Variants in NRXN1 observed in about 807,000 individuals in gnomAD.
NRXN1 encodes neurexin-1.
A neutral mutation model predicts 150.9 loss-of-function variants in NRXN1; 39 were observed. The ratio of observed to expected loss-of-function variants is 0.26; its 90% confidence interval spans 0.20 to 0.34. The LOEUF (loss-of-function observed/expected upper bound fraction) is 0.34, where lower values mean the gene tolerates loss of function less well. NRXN1 is among the 10% of genes least tolerant of loss of function. NRXN1 has a pLI of 1.00. For missense variants in NRXN1, 1,815 were observed against 1,949.9 expected (o/e 0.93, Z 1.30); for synonymous variants, 924 against 757.0 (o/e 1.22, Z -3.62).
chr2:50,017,461 G>A (rs577159615), intron 21 of NRXN1, among the ~76,000 whole-genome samples: 8 of 152,264 alleles, frequency 5.3e-5, no homozygotes, highest in Admixed American at 4.6e-4. Context: ...AAAATTGGAA[G>A]AGCTCTGTGT....
chr2:50,926,035 G>A, intron 2 of NRXN1, 80 bp from the exon 3 acceptor site: 5 of 1,122,124 alleles, frequency 4.5e-6, no homozygotes, highest in Non-Finnish European at 5.3e-6. Flanking sequence ...GCCTTTGCAT[G>A]TCTTCCTCAT....
chr2:50,060,019 G>A (rs140298819), intron 19 of NRXN1, among the ~76,000 whole-genome samples: 2 of 152,146 alleles, frequency 1.3e-5, no homozygotes, highest in African/African-American at 4.8e-5. Context: ...CTACCTAGTG[G>A]AGCTGTGAGA....
intron 2 of NRXN1, among the ~76,000 whole-genome samples, chr2:50,942,293 G>C (rs1396221489): frequency 6.6e-6 from 1 of 152,200 alleles, no homozygotes; most frequent in African/African-American, 2.4e-5. Flanking sequence ...CTCTACTAGG[G>C]CAATGCAGAG....
chr2:50,197,405 T>C (rs557053549), intron 18 of NRXN1, among the ~76,000 whole-genome samples: 1 of 152,236 alleles, frequency 6.6e-6, no homozygotes, highest in Admixed American at 6.5e-5. Flanking sequence ...ATGAAGACTT[T>C]GGATTAGTCT....
At chr2:50,257,987 T>G (rs2067878358) in intron 17 of NRXN1, among the ~76,000 whole-genome samples, 1 of 152,026 alleles carries the variant, frequency 6.6e-6, no homozygotes, top group African/African-American at 2.4e-5. Context: ...AAACAAACAA[T>G]GTATATAACT....
intron 2 of NRXN1, among the ~76,000 whole-genome samples, chr2:51,003,897 C>A (rs1700372481): frequency 6.6e-6 from 1 of 151,914 alleles, no homozygotes; most frequent in Non-Finnish European, 1.5e-5. Flanking sequence ...TTTCTACTTA[C>A]CATTTTAACT....
intron 19 of NRXN1, among the ~76,000 whole-genome samples, chr2:50,061,021 T>A (rs187200109): frequency 2.2e-4 from 34 of 152,312 alleles, no homozygotes; most frequent in Non-Finnish European, 8.8e-5. Context: ...TAGTTCAGAA[T>A]GTTTAGGTTC....
At chr2:50,753,480 A>T (rs1700833544) in intron 5 of NRXN1, among the ~76,000 whole-genome samples, 1 of 151,798 alleles carries the variant, frequency 6.6e-6, no homozygotes, top group African/African-American at 2.4e-5. Flanking sequence ...CAAATAACTA[A>T]TCACTCCCAT....
intron 18 of NRXN1, among the ~76,000 whole-genome samples, chr2:50,157,103 G>T (rs560080120): frequency 6.6e-6 from 1 of 152,094 alleles, no homozygotes; most frequent in Non-Finnish European, 1.5e-5. Flanking sequence ...AGGCATTAAA[G>T]CCTATGTGCT....
intron 18 of NRXN1, among the ~76,000 whole-genome samples, chr2:50,106,588 T>C (rs1387249810): frequency 6.6e-6 from 1 of 151,990 alleles, no homozygotes; most frequent in Non-Finnish European, 1.5e-5. Context: ...GATGAACAAA[T>C]GTGAACCTAG....
intron 17 of NRXN1, among the ~76,000 whole-genome samples, chr2:50,366,027 G>A (rs2079553569): frequency 6.6e-6 from 1 of 151,802 alleles, no homozygotes; most frequent in Non-Finnish European, 1.5e-5. Flanking sequence ...ATTTAGTATG[G>A]CTGAAATTTG....
chr2:50,688,274 C>T (rs1386052178), intron 5 of NRXN1, among the ~76,000 whole-genome samples: 4 of 152,148 alleles, frequency 2.6e-5, no homozygotes, highest in Admixed American at 2.6e-4. Context: ...GCATCCTGGG[C>T]CTCCCCATAT....
intron 19 of NRXN1, among the ~76,000 whole-genome samples, chr2:50,087,888 G>C (rs1482407638): frequency 6.6e-6 from 1 of 152,120 alleles, no homozygotes; most frequent in East Asian, 1.9e-4. Flanking sequence ...GTTGCTACCA[G>C]ATGAATTGCT....
intron 15 of NRXN1, among the ~76,000 whole-genome samples, chr2:50,476,415 C>T (rs1387243746): frequency 6.6e-6 from 1 of 152,052 alleles, no homozygotes; most frequent in African/African-American, 2.4e-5. Context: ...AGTTAGGTTA[C>T]ATAACTTCTT....
chr2:50,971,784 T>C (rs935959680), intron 2 of NRXN1, among the ~76,000 whole-genome samples: 1 of 152,008 alleles, frequency 6.6e-6, no homozygotes, highest in Non-Finnish European at 1.5e-5. Context: ...TGTTTAAAAA[T>C]TTTTTTCATT....
At chr2:50,823,312 C>A (rs1669991736) in intron 5 of NRXN1, among the ~76,000 whole-genome samples, 1 of 152,096 alleles carries the variant, frequency 6.6e-6, no homozygotes, top group Non-Finnish European at 1.5e-5. Context: ...TGACCCTAGG[C>A]CATCAGTGCA....
chr2:50,690,477 A>G (rs1186572628), intron 5 of NRXN1, among the ~76,000 whole-genome samples: 1 of 152,186 alleles, frequency 6.6e-6, no homozygotes, highest in Non-Finnish European at 1.5e-5. Flanking sequence ...TCATGAAGCC[A>G]TCACAGCCTT....
At chr2:50,111,097 G>C (rs1004673085) in intron 18 of NRXN1, among the ~76,000 whole-genome samples, 9 of 152,066 alleles carry the variant, frequency 5.9e-5, no homozygotes, top group African/African-American at 2.2e-4. Context: ...CGTTATTTTA[G>C]ATTGTCCCGT....
At chr2:50,041,798 G>A (rs148847870) in intron 21 of NRXN1, among the ~76,000 whole-genome samples, 36 of 152,198 alleles carry the variant, frequency 2.4e-4, no homozygotes, top group African/African-American at 7.7e-4. Flanking sequence ...TCTTGAGAGG[G>A]GACCATTAAC....
Sources: gnomAD v4.1 joint callset for allele counts (sites outside exome capture counted in the v4.1 genomes callset) on GRCh38, gnomAD v4.1.1 for gene constraint, MANE v1.5 for transcripts, NCBI Gene and HGNC (gene_info 2026-07-23, HGNC 2026-07-21) for gene names.